Variants in PCDH9 observed in about 807,000 individuals in gnomAD.
PCDH9 encodes the protein protocadherin 9.
In PCDH9, 24 loss-of-function variants were observed where a neutral mutation model predicts 70.6. The ratio of observed to expected loss-of-function variants is 0.34; its 90% CI spans 0.25 to 0.48. The LOEUF is 0.48. Among genes scored for constraint, PCDH9 ranks in the 20% least tolerant of loss-of-function variants. The pLI is 0.99. For missense variants in PCDH9, 1,281 were observed against 1,503.6 expected, an observed-to-expected ratio of 0.85 and a Z score of 2.45; for synonymous variants, 562 against 558.5, an observed-to-expected ratio of 1.01 and a Z score of -0.09.
chr13:66,885,139 G>A (rs2081986153), intron 3 of PCDH9, among the ~76,000 whole-genome samples: 1 of 151,946 alleles, frequency 6.6e-6, no homozygotes, highest in Non-Finnish European at 1.5e-5. Flanking sequence ...CTAATCTTCT[G>A]ATGCTCTCCT....
intron 4 of PCDH9, among the ~76,000 whole-genome samples, chr13:66,568,994 CTT>C (rs61067249): frequency 7.2e-4 from 42 of 58,318 alleles, no homozygotes; most frequent in African/African-American, 2.2e-3. Flanking sequence ...GGAAACATGT[CTT>C]TTTTTTTTTT....
chr13:66,350,468 T>C (rs1387204647), intron 4 of PCDH9, among the ~76,000 whole-genome samples: 4 of 152,182 alleles, frequency 2.6e-5, no homozygotes, highest in African/African-American at 9.7e-5. Flanking sequence ...TACTGGAGTC[T>C]TACAGGCTCA....
At chr13:66,699,056 A>T (rs1003841898) in intron 3 of PCDH9, among the ~76,000 whole-genome samples, 2 of 151,710 alleles carry the variant, frequency 1.3e-5, no homozygotes, top group African/African-American at 4.8e-5. Flanking sequence ...CTGAAATTAC[A>T]GGCACCCACC....
intron 4 of PCDH9, among the ~76,000 whole-genome samples, chr13:66,338,205 A>G (rs1956067993): frequency 6.6e-6 from 1 of 152,084 alleles, no homozygotes; most frequent in African/African-American, 2.4e-5. Flanking sequence ...TAGGTGTCCA[A>G]TTAACACATT....
At chr13:67,156,104 T>TC (rs2087804673) in intron 2 of PCDH9, among the ~76,000 whole-genome samples, 1 of 152,056 alleles carries the variant, frequency 6.6e-6, no homozygotes, top group African/African-American at 2.4e-5. Context: ...AAGGGTGTGG[T>TC]CCCTGGCTAG....
chr13:66,822,683 G>A (rs779770443), intron 3 of PCDH9, among the ~76,000 whole-genome samples: 21 of 151,740 alleles, frequency 1.4e-4, no homozygotes, highest in Non-Finnish European at 2.1e-4. Context: ...GCGCCACTAC[G>A]CCTGGCTAAT....
chr13:67,004,567 AGAAAG>A (rs1404697551), intron 2 of PCDH9, among the ~76,000 whole-genome samples: 16 of 143,312 alleles, frequency 1.1e-4, no homozygotes, highest in African/African-American at 2.8e-4. Context: ...AAAAAAAAAA[AGAAAG>A]AAAGAAAGAA....
intron 2 of PCDH9, among the ~76,000 whole-genome samples, chr13:66,910,297 G>C (rs2082438728): frequency 6.6e-6 from 1 of 152,150 alleles, no homozygotes; most frequent in Non-Finnish European, 1.5e-5. Flanking sequence ...ATTTTATATA[G>C]TCTTCTGGCA....
chr13:66,805,459 A>C (rs2080394942), intron 3 of PCDH9, among the ~76,000 whole-genome samples: 2 of 152,168 alleles, frequency 1.3e-5, no homozygotes, highest in Admixed American at 6.6e-5. Flanking sequence ...AATAGGTAAA[A>C]ATAAAATTGC....
chr13:66,462,615 A>G (rs1486088666), intron 4 of PCDH9, among the ~76,000 whole-genome samples: 1 of 151,848 alleles, frequency 6.6e-6, no homozygotes, highest in Non-Finnish European at 1.5e-5. Flanking sequence ...GGTCTGAAAT[A>G]TGGCCTGGGC....
chr13:66,469,748 C>T (rs115002348), intron 4 of PCDH9, among the ~76,000 whole-genome samples: 288 of 152,236 alleles, frequency 1.9e-3, no homozygotes, highest in African/African-American at 6.3e-3. Context: ...CATAAAGCTA[C>T]GCATTTCTGC....
chr13:66,353,710 T>C (rs1956331881), intron 4 of PCDH9, among the ~76,000 whole-genome samples: 1 of 152,168 alleles, frequency 6.6e-6, no homozygotes, highest in East Asian at 1.9e-4. Flanking sequence ...TTTTTTTTCA[T>C]AGTTGTAAAA....
Position 66,610,225 on chromosome 13 carries a change from G to T in PCDH9, c.3340+20985C>A, listed in dbSNP as rs575945649. 1.3e-4 allele frequency among the ~76,000 whole-genome samples: 19 copies of T among 151,960 alleles called. No homozygotes were observed. In the East Asian group the frequency reaches 2.7e-3, roughly 22 times the overall value. On this transcript the variant is annotated intron_variant, in intron 4 of 4. Coordinates refer to ENST00000377865, the MANE Select transcript of PCDH9 (RefSeq NM_203487.3). ...TATATTATTATCTTAGAAAGAGAGA[G>T]AACAGGGGTAAGGGGGAAAAAAGAG...
At chr13:66,936,343 TTTTG>T (rs1478985916) in intron 2 of PCDH9, among the ~76,000 whole-genome samples, 2 of 152,192 alleles carry the variant, frequency 1.3e-5, no homozygotes, top group Non-Finnish European at 1.5e-5. Context: ...GATTCAGATT[TTTTG>T]TTTGTTTTCC....
intron 4 of PCDH9, among the ~76,000 whole-genome samples, chr13:66,567,202 G>T: frequency 6.6e-6 from 1 of 152,182 alleles, no homozygotes; most frequent in African/African-American, 2.4e-5. Flanking sequence ...CTCCATACTG[G>T]GTGCTGCATG....
intron 4 of PCDH9, among the ~76,000 whole-genome samples, chr13:66,458,014 A>G (rs1461520815): frequency 2.0e-5 from 3 of 152,018 alleles, no homozygotes; most frequent in Non-Finnish European, 2.9e-5. Flanking sequence ...CAAGGTTCCA[A>G]GGATGTGGAA....
At chr13:66,831,895 A>ACCT (rs1555273743) in intron 3 of PCDH9, among the ~76,000 whole-genome samples, 1 of 151,974 alleles carries the variant, frequency 6.6e-6, no homozygotes, top group Non-Finnish European at 1.5e-5. Flanking sequence ...TGTAATAAAA[A>ACCT]CTGTGGAAAA....
chr13:66,824,809 A>G (rs145446939), intron 3 of PCDH9, among the ~76,000 whole-genome samples: 2,903 of 151,100 alleles, frequency 0.019, 90 homozygotes, highest in African/African-American at 0.067. Flanking sequence ...AACTCAACAA[A>G]ATGATCAAGG....
chr13:67,153,919 C>T (rs9599192), intron 2 of PCDH9, among the ~76,000 whole-genome samples: 25,434 of 152,088 alleles, frequency 0.17, 2,402 homozygotes, highest in Non-Finnish European at 0.2. Context: ...TCTGGGCTTG[C>T]GACCTTAGAA....
Sources: allele counts gnomAD v4.1 joint callset (sites outside exome capture counted in the v4.1 genomes callset), GRCh38; gene constraint gnomAD v4.1.1; transcripts MANE v1.5; gene names NCBI Gene and HGNC (gene_info 2026-07-23, HGNC 2026-07-21).